Variants in CRYM observed in about 807,000 individuals in gnomAD.
CRYM encodes the protein ketimine reductase mu-crystallin.
CRYM carries 18 observed loss-of-function variants against 32.9 expected under a neutral mutation model. That is an observed-to-expected ratio of 0.55 (90% CI 0.38 to 0.81). The LOEUF (loss-of-function observed/expected upper bound fraction) is 0.81. CRYM is among the 30% of genes least tolerant of loss of function. CRYM has a pLI of 0.00. For synonymous variants in CRYM, 153 were observed against 152.4 expected (o/e 1.00, Z -0.03); for missense variants, 337 against 393.5 (o/e 0.86, Z 1.21).
rs1323985731 is a variant in CRYM, at chr16:21,278,111, G to A, written c.141C>T (p.Arg47=). 3 of 1,547,952 alleles carry A rather than the reference G, an allele frequency of 1.9e-6. No homozygotes were observed. The Admixed American group carries it at 5.9e-5, about 30-fold the overall frequency. ...GPEGGVMQPV[R]TVVPVTKHRG... is the part of the protein sequence containing the mutation. The stretch of plus-strand genomic sequence containing the variant: ...TGTGCTTGGTCACCGGCACCACGGT[G>A]CGCACGGGCTGCATGACCCCTCCTT... The change falls in exon 1 of 8, where the codon CGC becomes CGT. Residue 47 remains arginine (R), a synonymous_variant. Transcript: ENST00000572914.
At chr16:21,284,011 C>G (rs1289128430) in intron 1 of CRYM, 1 of 152,250 alleles carries the variant, frequency 6.6e-6, no homozygotes, top group Non-Finnish European at 1.5e-5. Context: ...CTTCTGCCTG[C>G]GTCCTCTGCG....
intron 7 of CRYM, among the ~76,000 whole-genome samples, chr16:21,259,625 C>T (rs906391572): frequency 2.0e-5 from 3 of 152,126 alleles, no homozygotes; most frequent in Non-Finnish European, 4.4e-5. Context: ...ATTTTCTCCC[C>T]CCATTCATTT....
upstream of CRYM, among the ~76,000 whole-genome samples, chr16:21,279,138 A>G (rs1429846436): frequency 1.3e-5 from 2 of 152,182 alleles, no homozygotes; most frequent in East Asian, 1.9e-4. Flanking sequence ...GTCTGAAATA[A>G]TAATAGTGAC....
chr16:21,278,342 G>C, upstream of CRYM: 1 of 1,483,302 alleles, frequency 6.7e-7, no homozygotes, highest in Non-Finnish European at 9.1e-7. Context: ...CTGCTCTGTG[G>C]AGCCGCCTGC....
chr16:21,296,882 A>G (rs1048741268), intron 1 of CRYM, among the ~76,000 whole-genome samples: 4 of 151,524 alleles, frequency 2.6e-5, no homozygotes, highest in African/African-American at 9.7e-5. Context: ...GGTGGCAGAC[A>G]CTTGTAGTCC....
chr16:21,262,138 C>A lies in CRYM; in HGVS notation c.694G>T (p.Asp232Tyr). The A allele has an allele frequency of 6.2e-7, 1 of 1,614,144 alleles. No homozygotes were observed. The highest frequency in any genetic ancestry group is 1.1e-5 in the South Asian group (1 of 91,074). Residue 232 changes from aspartate (D) to tyrosine (Y), a missense_variant, in exon 6 of 8, where the codon GAC becomes TAC. Asp to Tyr is a radical substitution (Grantham distance 160). Transcript: ENST00000572914. Reference protein sequence around the residue: ...HINAVGASRPDWRELDDELMK... With the variant: ...HINAVGASRPYWRELDDELMK... The stretch of plus-strand genomic sequence containing the variant: ...AGCTCATCATCCAGTTCTCTCCAGT[C>A]AGGTCTGCTGGCTCCAACAGCTAAG...
rs1256471158 is a variant in CRYM, at chr16:21,261,299, C to G, written c.835G>C (p.Val279Leu). ...GTCTTCTCACAGTGGGCTGGTTTCA[C>G]TCCCTTAATCACTTCTCCCAGCTCA... is the stretch of plus-strand genomic sequence containing the variant. ...FAELGEVIKGVKPAHCEKTTV... is the reference protein window; with the variant it reads ...FAELGEVIKGLKPAHCEKTTV... Residue 279 changes from valine (V) to leucine (L), a missense_variant, in exon 7 of 8, where the codon GTG becomes CTG. Physicochemically the swap from Val to Leu is conservative, Grantham distance 32. Coordinates refer to ENST00000572914, the MANE Select transcript of CRYM (RefSeq NM_001376256.1). 6.2e-7 allele frequency: 1 copy of G among 1,614,126 alleles called. No individual in the cohort carries two copies. The highest frequency in any genetic ancestry group is 1.7e-4 in the Middle Eastern group (1 of 6,058).
At chr16:21,270,957 G>T (rs548929530) in intron 3 of CRYM, among the ~76,000 whole-genome samples, 19 of 152,170 alleles carry the variant, frequency 1.2e-4, no homozygotes, top group Non-Finnish European at 2.5e-4. Context: ...CCAGGCCATA[G>T]CACTTATTTG....
chr16:21,299,590 G>T (rs1422938772), intron 1 of CRYM, among the ~76,000 whole-genome samples: 1 of 152,222 alleles, frequency 6.6e-6, no homozygotes, highest in African/African-American at 2.4e-5. Context: ...GATTACAGGC[G>T]TGAGCCACTG....
chr16:21,262,037 C>A lies in CRYM; in HGVS notation c.795G>T (p.Gly265=). The A allele has an allele frequency of 6.2e-7, 1 of 1,613,904 alleles. No individual in the cohort carries two copies. Among genetic ancestry groups the A allele is most frequent in the Non-Finnish European group, 8.5e-7 (1 of 1,179,894 alleles). Residue 265 remains glycine (G), a splice_region_variant and synonymous_variant, in exon 6 of 8, where the codon GGG becomes GGT. Transcript: ENST00000572914. ...LKESGDVLLS[G]AEIFAELGEV... ...CTGACTGGGGTCAGAAGGGCCTCAC[C>A]CCTGACAGCAGGACATCTCCAGACT...
upstream of CRYM, chr16:21,278,386 C>T (rs572701177): frequency 7.1e-5 from 73 of 1,034,818 alleles, 1 homozygote; most frequent in East Asian, 1.0e-3. Context: ...GCGGAGCAAC[C>T]CCGCCCCGCC....
upstream of CRYM, among the ~76,000 whole-genome samples, chr16:21,281,136 G>A (rs200321236): frequency 6.8e-6 from 1 of 146,674 alleles, no homozygotes; most frequent in African/African-American, 2.5e-5. Context: ...CTCTCTCTCT[G>A]TATATATATA....
At chr16:21,296,175 T>C (rs1214579755) in intron 1 of CRYM, among the ~76,000 whole-genome samples, 1 of 152,202 alleles carries the variant, frequency 6.6e-6, no homozygotes, top group Non-Finnish European at 1.5e-5. Context: ...TGACCTCGAG[T>C]GATCCACCCG....
At chr16:21,289,736 G>A (rs777899715) in intron 1 of CRYM, among the ~76,000 whole-genome samples, 13 of 152,076 alleles carry the variant, frequency 8.5e-5, no homozygotes, top group South Asian at 4.2e-4. Flanking sequence ...ACAGGTGCCC[G>A]GCTTTTATTC....
chr16:21,291,413 C>T (rs1296999140), intron 1 of CRYM, among the ~76,000 whole-genome samples: 1 of 152,110 alleles, frequency 6.6e-6, no homozygotes, highest in African/African-American at 2.4e-5. Flanking sequence ...AATAATTCTA[C>T]CTACATTACT....
chr16:21,275,696 C>T, intron 2 of CRYM, 102 bp from the exon 3 acceptor site: 1 of 915,616 alleles, frequency 1.1e-6, no homozygotes, highest in East Asian at 2.5e-5. Flanking sequence ...TTATAGCATC[C>T]TACAAACAGC....
chr16:21,261,391 T>C, intron 6 of CRYM, 53 bp from the exon 7 acceptor site: 3 of 1,482,476 alleles, frequency 2.0e-6, no homozygotes, highest in Admixed American at 1.7e-5. Context: ...CTGTGCAGGG[T>C]TGGCTTTTGA....
At chr16:21,278,005 C>A in intron 1 of CRYM, 77 bp downstream of exon 1, 3 of 1,459,526 alleles carry the variant, frequency 2.1e-6, no homozygotes, top group Non-Finnish European at 2.8e-6. Context: ...TTCCCTTCTC[C>A]CACCCCTCCT....
intron 1 of CRYM, among the ~76,000 whole-genome samples, chr16:21,286,157 A>G (rs1260910553): frequency 6.6e-6 from 1 of 152,232 alleles, no homozygotes; most frequent in Non-Finnish European, 1.5e-5. Context: ...TTTTGAGAAG[A>G]ATCAAAATAA....
Sources: gnomAD v4.1 joint callset for allele counts (sites outside exome capture counted in the v4.1 genomes callset) on GRCh38, gnomAD v4.1.1 for gene constraint, MANE v1.5 for transcripts, NCBI Gene and HGNC (gene_info 2026-07-23, HGNC 2026-07-21) for gene names.